The following ACSM4 variants were observed in gnomAD, a reference collection of about 807,000 sequenced individuals.
ACSM4 encodes the protein acyl-CoA synthetase medium chain family member 4, also known as acyl-coenzyme A synthetase ACSM4, mitochondrial.
A neutral mutation model predicts 73.0 loss-of-function variants in ACSM4; 66 were observed. The observed-to-expected ratio is 0.90, with a 90% CI of 0.74 to 1.11. The LOEUF is 1.11. ACSM4 is among the 50% of genes least tolerant of loss of function. ACSM4 has a pLI of 0.00. For synonymous variants in ACSM4, 222 were observed against 254.0 expected (o/e 0.87, Z 1.20); for missense variants, 645 against 714.4 (o/e 0.90, Z 1.11).
At chr12:7,327,963 A>G (rs995294051) in intron 12 of ACSM4, among the ~76,000 whole-genome samples, 12 of 152,150 alleles carry the variant, frequency 7.9e-5, no homozygotes, top group African/African-American at 2.9e-4. Flanking sequence ...TTCTTTTTGT[A>G]TTTAGCTGTA....
chr12:7,306,993 G>A (rs1483891045), intron 2 of ACSM4, among the ~76,000 whole-genome samples: 3 of 152,172 alleles, frequency 2.0e-5, no homozygotes, highest in Non-Finnish European at 2.9e-5. Flanking sequence ...GGTGGCTCAC[G>A]CCTGTAAGCC....
intron 12 of ACSM4, among the ~76,000 whole-genome samples, chr12:7,327,553 C>A (rs1946517816): frequency 6.6e-6 from 1 of 152,150 alleles, no homozygotes; most frequent in Non-Finnish European, 1.5e-5. Flanking sequence ...CTGAAACCTT[C>A]TTCAAAGAAG....
At chr12:7,308,178 T>G (rs1309732617) in intron 2 of ACSM4, among the ~76,000 whole-genome samples, 3 of 152,238 alleles carry the variant, frequency 2.0e-5, no homozygotes, top group Non-Finnish European at 4.4e-5. Flanking sequence ...AACAGCATTA[T>G]ATAAAATTCG....
intron 4 of ACSM4, among the ~76,000 whole-genome samples, chr12:7,317,728 C>T (rs1352415247): frequency 3.3e-5 from 5 of 152,188 alleles, no homozygotes; most frequent in Non-Finnish European, 7.3e-5. Context: ...GTCTACCTTG[C>T]TCACTGCTGT....
chr12:7,317,206 T>A lies in ACSM4; in HGVS notation c.690T>A (p.Ser230Arg), dbSNP rs1274853701. The A allele has an allele frequency of 1.1e-5, 18 of 1,611,538 alleles. No homozygotes were observed. The highest frequency in any genetic ancestry group is 2.7e-5 in the African/African-American group (2 of 74,882). The stretch of plus-strand genomic sequence containing the variant: ...AACCAATGACCATTTATTTCACCAG[T>A]GGGACCACAGGCTTTCCTAAAATGG... ...SQEPMTIYFTSGTTGFPKMAQ... is the reference protein window; with the variant it reads ...SQEPMTIYFTRGTTGFPKMAQ... The change falls in exon 4 of 13, where the codon AGT (serine) becomes AGA (arginine). Residue 230 changes from serine (S) to arginine (R), a missense_variant. Ser to Arg is a moderately radical substitution (Grantham distance 110). Transcript: ENST00000399422.
chr12:7,328,438 A>G lies in ACSM4; in HGVS notation c.*65A>G. 1 of 1,220,166 alleles carries G rather than the reference A, an allele frequency of 8.2e-7. No homozygotes were observed. Among genetic ancestry groups the G allele is most frequent in the Non-Finnish European group, 1.1e-6 (1 of 888,106 alleles). The allele number at this position is 1,220,166 out of a possible 1,614,324, so 75.6% of individuals were successfully genotyped here. A position where few individuals can be genotyped will look rare whatever the true frequency, so the allele number is the denominator to read the frequency against. On this transcript the variant is annotated 3_prime_UTR_variant, in exon 13 of 13. Transcript: ENST00000399422. ...GCTTTCTTTTAGTATTTGTTCCGATAATTCAGCGACTACTCTCTTAAAATG... is the reference window on the plus strand; with the variant it reads ...GCTTTCTTTTAGTATTTGTTCCGATGATTCAGCGACTACTCTCTTAAAATG...
At chr12:7,325,444 C>G (rs971017820) in intron 11 of ACSM4, among the ~76,000 whole-genome samples, 1 of 152,130 alleles carries the variant, frequency 6.6e-6, no homozygotes, top group South Asian at 2.1e-4. Flanking sequence ...GTCAGGAGTT[C>G]GAGACCAGCC....
At chr12:7,308,510 C>T (rs1284746337) in intron 2 of ACSM4, among the ~76,000 whole-genome samples, 2 of 152,064 alleles carry the variant, frequency 1.3e-5, no homozygotes, top group South Asian at 2.1e-4. Context: ...GCAGTAAAGC[C>T]TGAGATATAT....
chr12:7,311,256 G>A (rs1279891738), intron 3 of ACSM4, among the ~76,000 whole-genome samples: 2 of 152,064 alleles, frequency 1.3e-5, no homozygotes, highest in African/African-American at 2.4e-5. Flanking sequence ...AGAAAGGCAC[G>A]TAGCTCTGCC....
At chr12:7,305,711 A>G (rs2136327666) in intron 1 of ACSM4, among the ~76,000 whole-genome samples, 1 of 152,366 alleles carries the variant, frequency 6.6e-6, no homozygotes, top group South Asian at 2.1e-4. Context: ...CGATGAAGGA[A>G]CACAGAGAAG....
intron 1 of ACSM4, among the ~76,000 whole-genome samples, chr12:7,305,146 G>A (rs934268501): frequency 6.6e-6 from 1 of 152,128 alleles, no homozygotes; most frequent in African/African-American, 2.4e-5. Context: ...TAAATACAGG[G>A]GGAAAGCCTT....
chr12:7,310,696 G>T lies in ACSM4; in HGVS notation c.570G>T (p.Leu190=), dbSNP rs377414360. The part of the protein sequence containing the change: ...LECPDLKTKL[L]VSPQSWNGWL... ...GTCCTGACCTTAAGACAAAACTCCT[G>T]GTGTCTCCACAAAGCTGGAATGGGT... Residue 190 remains leucine (L), a synonymous_variant, in exon 3 of 13, where the codon CTG becomes CTT. Coordinates refer to ENST00000399422, the MANE Select transcript of ACSM4 (RefSeq NM_001080454.2). 172 of 1,613,322 alleles carry T rather than the reference G, an allele frequency of 1.1e-4. No homozygotes were observed. Among genetic ancestry groups the T allele is most frequent in the Non-Finnish European group, 1.4e-4 (165 of 1,179,692 alleles).
At chr12:7,317,353 T>G in intron 4 of ACSM4, 73 bp downstream of exon 4, 2 of 1,454,304 alleles carry the variant, frequency 1.4e-6, no homozygotes, top group South Asian at 2.9e-5. Flanking sequence ...AACTAACTGA[T>G]ACTTCTCCTT....
At chr12:7,327,346 G>A (rs1946515718) in intron 12 of ACSM4, among the ~76,000 whole-genome samples, 1 of 152,156 alleles carries the variant, frequency 6.6e-6, no homozygotes, top group Non-Finnish European at 1.5e-5. Context: ...GGACTAACTA[G>A]TCCCATTCTG....
chr12:7,326,694 T>A (rs1946508718), intron 11 of ACSM4, among the ~76,000 whole-genome samples: 1 of 152,176 alleles, frequency 6.6e-6, no homozygotes, highest in South Asian at 2.1e-4. Context: ...ATAAATAGGA[T>A]CAGTCTGATT....
intron 8 of ACSM4, 40 bp downstream of exon 8, chr12:7,323,354 G>C: frequency 6.3e-7 from 1 of 1,596,080 alleles, no homozygotes; most frequent in Non-Finnish European, 8.6e-7. Flanking sequence ...GTAAAGGAGA[G>C]AGAACGTTTT....
At chr12:7,320,526 A>G (rs1946453235) in intron 5 of ACSM4, among the ~76,000 whole-genome samples, 199 bp from the exon 6 acceptor site, 1 of 152,252 alleles carries the variant, frequency 6.6e-6, no homozygotes, top group South Asian at 2.1e-4. Flanking sequence ...TAATATATAT[A>G]CATTCTTTTC....
At chr12:7,309,985 T>C (rs749493536) in intron 2 of ACSM4, among the ~76,000 whole-genome samples, 2 of 152,310 alleles carry the variant, frequency 1.3e-5, no homozygotes, top group Admixed American at 6.5e-5. Flanking sequence ...GGTTTCGCCA[T>C]GTTGCTCGGG....
chr12:7,317,017 G>C, intron 3 of ACSM4, 120 bp from the exon 4 acceptor site: 7 of 1,243,416 alleles, frequency 5.6e-6, no homozygotes, highest in Non-Finnish European at 7.5e-6. Flanking sequence ...CTTTGGATTA[G>C]GTTCAGTTCT....
Sources: gnomAD v4.1 joint callset for allele counts (sites outside exome capture counted in the v4.1 genomes callset) on GRCh38, gnomAD v4.1.1 for gene constraint, MANE v1.5 for transcripts, NCBI Gene and HGNC (gene_info 2026-07-23, HGNC 2026-07-21) for gene names.